FBXW7: variants seen among roughly 807,000 people sequenced by gnomAD.
The protein encoded by FBXW7 is F-box and WD repeat domain containing 7.
A neutral mutation model predicts 86.3 loss-of-function variants in FBXW7; 11 were observed. The ratio of observed to expected loss-of-function variants is 0.13; its 90% CI spans 0.08 to 0.21. The LOEUF (loss-of-function observed/expected upper bound fraction) is 0.21. Ranked by LOEUF, FBXW7 falls within the 10% of genes least tolerant of loss-of-function variation. The pLI is 1.00. For synonymous variants in FBXW7, 313 were observed against 297.9 expected, an observed-to-expected ratio of 1.05 and a Z score of -0.52; for missense variants, 488 against 847.4, an observed-to-expected ratio of 0.58 and a Z score of 5.27.
At chr4:152,387,934 T>C (rs1460311886) in intron 4 of FBXW7, among the ~76,000 whole-genome samples, 2 of 152,006 alleles carry the variant, frequency 1.3e-5, no homozygotes, top group Non-Finnish European at 2.9e-5. Flanking sequence ...GGTCTCGAAC[T>C]CCTGACCTTG....
intron 2 of FBXW7, among the ~76,000 whole-genome samples, chr4:152,412,861 AACTT>A (rs1369199250): frequency 1.3e-5 from 2 of 152,218 alleles, no homozygotes; most frequent in South Asian, 2.1e-4. Context: ...TGATGCTTTA[AACTT>A]ACTTCTTTTT....
At chr4:152,510,442 T>TA (rs1747855572) in intron 2 of FBXW7, among the ~76,000 whole-genome samples, 1 of 152,162 alleles carries the variant, frequency 6.6e-6, no homozygotes, top group South Asian at 2.1e-4. Flanking sequence ...ATTCAAAACT[T>TA]ACGTATTATC....
intron 4 of FBXW7, among the ~76,000 whole-genome samples, chr4:152,404,968 A>G (rs76717204): frequency 0.014 from 2,075 of 151,784 alleles, 25 homozygotes; most frequent in Middle Eastern, 0.037. Context: ...TGGTGCCACG[A>G]GTGGTCCCAG....
intron 2 of FBXW7, among the ~76,000 whole-genome samples, chr4:152,452,479 T>C (rs1001705504): frequency 6.6e-6 from 1 of 152,200 alleles, no homozygotes; most frequent in Admixed American, 6.5e-5. Context: ...TAAAACCCAA[T>C]TTTTAGCCAT....
intron 2 of FBXW7, among the ~76,000 whole-genome samples, chr4:152,475,489 T>C (rs1390501201): frequency 2.0e-5 from 3 of 152,168 alleles, no homozygotes; most frequent in Non-Finnish European, 4.4e-5. Context: ...GATGTGTTTT[T>C]ACCACCTCTA....
intron 2 of FBXW7, among the ~76,000 whole-genome samples, chr4:152,508,346 T>C (rs1429722030): frequency 6.6e-6 from 1 of 151,948 alleles, no homozygotes; most frequent in Admixed American, 6.6e-5. Context: ...CTAATGTAAA[T>C]ACAGAAGAAA....
chr4:152,512,205 T>C (rs1223176865), intron 2 of FBXW7, among the ~76,000 whole-genome samples: 3 of 152,202 alleles, frequency 2.0e-5, no homozygotes, highest in Non-Finnish European at 4.4e-5. Flanking sequence ...CAAATTCACT[T>C]TTTAAAAATT....
chr4:152,495,592 T>C (rs1161651893), intron 2 of FBXW7, among the ~76,000 whole-genome samples: 1 of 152,150 alleles, frequency 6.6e-6, no homozygotes, highest in Non-Finnish European at 1.5e-5. Flanking sequence ...CTACAATGGG[T>C]TGCTAGTCTT....
chr4:152,528,864 G>A (rs1749762183), intron 2 of FBXW7, among the ~76,000 whole-genome samples: 2 of 151,852 alleles, frequency 1.3e-5, no homozygotes, highest in South Asian at 4.2e-4. Flanking sequence ...TTTTAATATT[G>A]CCTAAATTCC....
chr4:152,372,941 C>T (rs936614223), intron 4 of FBXW7, among the ~76,000 whole-genome samples: 3 of 151,856 alleles, frequency 2.0e-5, no homozygotes, highest in African/African-American at 4.8e-5. Context: ...CATCTGATGA[C>T]AAAAACATAC....
At chr4:152,432,666 G>T (rs79760534) in intron 2 of FBXW7, among the ~76,000 whole-genome samples, 2,082 of 152,060 alleles carry the variant, frequency 0.014, 26 homozygotes, top group Middle Eastern at 0.037. Flanking sequence ...AAAAAAATTA[G>T]CCGGGTATGG....
At chr4:152,374,783 G>A (rs1400675972) in intron 4 of FBXW7, among the ~76,000 whole-genome samples, 2 of 151,932 alleles carry the variant, frequency 1.3e-5, no homozygotes, top group African/African-American at 4.8e-5. Flanking sequence ...AGTGCCAGAA[G>A]GGAGGTTTCA....
At chr4:152,419,860 A>G (rs1176337890) in intron 2 of FBXW7, among the ~76,000 whole-genome samples, 1 of 152,226 alleles carries the variant, frequency 6.6e-6, no homozygotes, top group African/African-American at 2.4e-5. Flanking sequence ...CTGCTTAAAA[A>G]AATGCTAATG....
intron 4 of FBXW7, among the ~76,000 whole-genome samples, chr4:152,401,083 C>T (rs113767628): frequency 7.9e-5 from 12 of 152,228 alleles, no homozygotes; most frequent in African/African-American, 1.2e-4. Flanking sequence ...CTCTCATTCA[C>T]TGTTGGTGGG....
intron 4 of FBXW7, among the ~76,000 whole-genome samples, chr4:152,366,692 T>C (rs1055433881): frequency 6.6e-6 from 1 of 152,172 alleles, no homozygotes; most frequent in Non-Finnish European, 1.5e-5. Flanking sequence ...GGTGGGACTA[T>C]AAACTAGTTC....
rs2126514838 is a variant in FBXW7 at position 152,328,310 on chromosome 4, G to A, written c.1316C>T (p.Thr439Ile). 1 of 1,597,884 alleles carries A rather than the reference G, an allele frequency of 6.3e-7. No individual in the cohort carries two copies. Among genetic ancestry groups the A allele is most frequent in the Non-Finnish European group, 8.5e-7 (1 of 1,173,202 alleles). The change falls in exon 11 of 14, where the codon ACA (threonine) becomes ATA (isoleucine). Residue 439 changes from threonine to isoleucine, a missense_variant. Thr to Ile is a moderately conservative substitution (Grantham distance 89, BLOSUM62 -1). Coordinates refer to ENST00000281708, the MANE Select transcript of FBXW7 (RefSeq NM_001349798.2). ...MRDNIIISGSTDRTLKVWNAE... is the reference protein window; with the variant it reads ...MRDNIIISGSIDRTLKVWNAE... ...ATTCCACACTTTGAGTGTCCGATCT[G>A]TAGATCCACTAATGATGATGTTGTC...
chr4:152,484,258 A>AT (rs970352731), intron 2 of FBXW7, among the ~76,000 whole-genome samples: 12 of 151,762 alleles, frequency 7.9e-5, no homozygotes, highest in Admixed American at 2.0e-4. Flanking sequence ...TGTATAGAGG[A>AT]TTTTTTTTTC....
At chr4:152,531,716 T>C (rs1159965878) in intron 2 of FBXW7, among the ~76,000 whole-genome samples, 1 of 152,122 alleles carries the variant, frequency 6.6e-6, no homozygotes, top group Non-Finnish European at 1.5e-5. Flanking sequence ...CTTCGTCATA[T>C]CAAGACCAAA....
intron 10 of FBXW7, among the ~76,000 whole-genome samples, chr4:152,329,238 GATTT>G (rs1729333048): frequency 6.6e-6 from 1 of 151,770 alleles, no homozygotes; most frequent in Non-Finnish European, 1.5e-5. Context: ...AAATTAACAT[GATTT>G]ATTAAGTTCT....
Sources: allele counts gnomAD v4.1 joint callset (sites outside exome capture counted in the v4.1 genomes callset), GRCh38; gene constraint gnomAD v4.1.1; transcripts MANE v1.5; gene names NCBI Gene and HGNC (gene_info 2026-07-23, HGNC 2026-07-21).